Variants in PTPRU observed in about 807,000 individuals in gnomAD.
PTPRU encodes the protein receptor-type tyrosine-protein phosphatase U.
PTPRU carries 69 observed loss-of-function variants against 166.3 expected under a neutral mutation model. That is an observed-to-expected ratio of 0.41 (90% CI 0.34 to 0.51). The LOEUF is 0.51. Ranked by LOEUF, PTPRU falls within the 20% of genes least tolerant of loss-of-function variation. The pLI is 0.09. For missense variants in PTPRU, 1,657 were observed against 2,013.7 expected (o/e 0.82, Z 3.39); for synonymous variants, 793 against 814.0 (o/e 0.97, Z 0.44).
intron 16 of PTPRU, 90 bp from the exon 17 acceptor site, chr1:29,304,684 C>T: frequency 3.1e-6 from 3 of 983,110 alleles, no homozygotes; most frequent in South Asian, 1.8e-5. Context: ...TCATCCCACC[C>T]CCATCCTGCC....
intron 1 of PTPRU, among the ~76,000 whole-genome samples, chr1:29,254,706 T>C (rs144245416): frequency 7.7e-4 from 117 of 152,308 alleles, no homozygotes; most frequent in African/African-American, 2.4e-3. Context: ...GGAGATCTCA[T>C]TGGGCTGGAT....
intron 26 of PTPRU, 171 bp from the exon 27 acceptor site, chr1:29,323,199 TG>T: frequency 2.4e-6 from 2 of 844,796 alleles, no homozygotes; most frequent in Non-Finnish European, 1.8e-6. Context: ...TTGCAGCCTG[TG>T]GGCAACTGGT....
At chr1:29,295,159 C>T (rs1234142635) in intron 15 of PTPRU, among the ~76,000 whole-genome samples, 2 of 152,126 alleles carry the variant, frequency 1.3e-5, no homozygotes, top group African/African-American at 4.8e-5. Flanking sequence ...CCTCAGCCTC[C>T]CGAGGAGCTG....
At chr1:29,252,771 C>T (rs569091135) in intron 1 of PTPRU, among the ~76,000 whole-genome samples, 15 of 152,308 alleles carry the variant, frequency 9.8e-5, no homozygotes, top group African/African-American at 3.4e-4. Context: ...TTTCCTCTGC[C>T]CTCCCACCAC....
intron 18 of PTPRU, chr1:29,307,134 G>C (rs760891085): frequency 1.9e-6 from 3 of 1,613,386 alleles, no homozygotes. Flanking sequence ...TTAAGATTCG[G>C]ATAAACCGAG....
chr1:29,260,367 G>A lies in PTPRU; in HGVS notation c.851-243G>A, dbSNP rs1685000600. 2 of 478,842 alleles carry A rather than the reference G, an allele frequency of 4.2e-6. No individual in the cohort carries two copies. The highest frequency in any genetic ancestry group is 3.6e-6 in the Non-Finnish European group (1 of 278,282). 29.7% of individuals were successfully genotyped at this position (478,842 alleles called of 1,614,324 possible). Reference sequence around the variant, plus strand: ...CAGGAGGCGAGGATGTGGGGGATTAGGAGGGGCCTGAGAGAGGGGTTGTGG... The same window carrying A: ...CAGGAGGCGAGGATGTGGGGGATTAAGAGGGGCCTGAGAGAGGGGTTGTGG... On this transcript the variant is annotated intron_variant, in intron 6 of 29. Transcript: ENST00000373779. The surrounding 1 kb of genome is among the most constrained non-coding windows in gnomAD (Gnocchi z 8.3).
chr1:29,285,705 T>C (rs1686311716), intron 14 of PTPRU, among the ~76,000 whole-genome samples: 1 of 152,204 alleles, frequency 6.6e-6, no homozygotes, highest in Non-Finnish European at 1.5e-5. Flanking sequence ...AGAACCTGCC[T>C]TCAAAACACC....
chr1:29,324,790 C>T (rs941062783), intron 28 of PTPRU, among the ~76,000 whole-genome samples: 3 of 152,120 alleles, frequency 2.0e-5, no homozygotes, highest in South Asian at 4.1e-4. Flanking sequence ...CTAGCCCCGC[C>T]CCTTACCTCT....
intron 15 of PTPRU, among the ~76,000 whole-genome samples, chr1:29,298,078 T>G (rs912062174): frequency 6.6e-6 from 1 of 152,026 alleles, no homozygotes; most frequent in Admixed American, 6.6e-5. Context: ...GCTAACGTGG[T>G]GAAACCCCGT....
chr1:29,285,948 G>A lies in PTPRU; in HGVS notation c.2318+1079G>A, dbSNP rs1188352138. 3.3e-5 allele frequency among the ~76,000 whole-genome samples: 5 copies of A among 152,360 alleles called. No individual in the cohort carries two copies. The East Asian group carries it at 9.7e-4, about 29-fold the overall frequency. ...GCCCAAGGCTACCCGGAGAGCCAGA[G>A]GCAGAGCCAGCTCCACCCTTCCCCA... On this transcript the variant is annotated intron_variant, in intron 14 of 29. Transcript: ENST00000373779.
Position 29,243,673 on chromosome 1 carries a change from T to G in PTPRU, c.73+6956T>G, listed in dbSNP as rs566047499. On this transcript the variant is annotated intron_variant, in intron 1 of 29. Transcript: ENST00000373779. ...GGACGTCTGACAATGTGCTGCGGTT[T>G]TCCATCTCCTTTTTCCACTAGGCTG... 2.0e-4 allele frequency among the ~76,000 whole-genome samples: 31 copies of G among 152,340 alleles called. 1 individual carries two copies. Among genetic ancestry groups the G allele is most frequent in the African/African-American group, 7.5e-4 (31 of 41,574 alleles).
chr1:29,312,656 C>A lies in PTPRU; in HGVS notation c.3177C>A (p.Arg1059=). The change falls in exon 22 of 30, where the codon CGC becomes CGA. Residue 1059 remains arginine, a synonymous_variant. Coordinates refer to ENST00000373779, the MANE Select transcript of PTPRU (RefSeq NM_133178.4). ...CGGGGCTGCTGGCTTTCATCCGGCG[C>A]GTGAAGGCCTCCACCCCACCTGATG... The part of the protein sequence containing the change: ...HATGLLAFIR[R]VKASTPPDAG... The A allele has an allele frequency of 1.2e-6, 2 of 1,611,632 alleles. No homozygotes were observed. The highest frequency in any genetic ancestry group is 1.7e-6 in the Non-Finnish European group (2 of 1,178,344).
intron 15 of PTPRU, among the ~76,000 whole-genome samples, chr1:29,302,480 C>G (rs1334623653): frequency 1.3e-5 from 2 of 152,132 alleles, no homozygotes; most frequent in Admixed American, 6.6e-5. Context: ...AGTGACTCAC[C>G]CAGGACAGCT....
intron 17 of PTPRU, 31 bp from the exon 18 acceptor site, chr1:29,305,321 C>T (rs771938372): frequency 2.5e-6 from 4 of 1,609,214 alleles, no homozygotes; most frequent in South Asian, 1.1e-5. Flanking sequence ...CTCCCCAGTT[C>T]AGCCCCTGCC....
chr1:29,260,063 G>A lies in PTPRU; in HGVS notation c.850+19G>A, dbSNP rs765346595. ...GTCAAGGGTCAGCTGGTGGACGCCG[G>A]GGAGCGCCGGGACCTCACCCTCGAG... On this transcript the variant is annotated intron_variant, in intron 6 of 29. Coordinates refer to ENST00000373779, the MANE Select transcript of PTPRU (RefSeq NM_133178.4). This position sits in a 1 kb window ranked among gnomAD's most constrained non-coding sequence, Gnocchi z 8.3. The A allele has an allele frequency of 5.7e-6, 8 of 1,396,098 alleles. No individual in the cohort carries two copies. In the East Asian group the frequency reaches 2.3e-4, roughly 40 times the overall value. 86.5% of individuals were successfully genotyped at this position (1,396,098 alleles called of 1,614,324 possible).
chr1:29,292,198 C>T (rs1217694854), intron 15 of PTPRU, among the ~76,000 whole-genome samples, 172 bp downstream of exon 15: 1 of 152,198 alleles, frequency 6.6e-6, no homozygotes, highest in Non-Finnish European at 1.5e-5. Context: ...GGCGTTTTTG[C>T]ATTGTGTACT....
At chr1:29,296,859 A>G (rs1686906673) in intron 15 of PTPRU, among the ~76,000 whole-genome samples, 1 of 151,932 alleles carries the variant, frequency 6.6e-6, no homozygotes, top group Non-Finnish European at 1.5e-5. Flanking sequence ...TTAAAGGACT[A>G]AACAACTATT....
At chr1:29,249,477 C>T (rs1684451347) in intron 1 of PTPRU, among the ~76,000 whole-genome samples, 2 of 152,224 alleles carry the variant, frequency 1.3e-5, no homozygotes, top group South Asian at 2.1e-4. Context: ...TTCACCCTCT[C>T]AGGGAGGCCT....
At chr1:29,307,293 A>T (rs1687437486) in intron 18 of PTPRU, 1 of 1,136,402 alleles carries the variant, frequency 8.8e-7, no homozygotes, top group Admixed American at 2.0e-5. Context: ...CCAACCGTCC[A>T]TTTCAGCAGC....
Sources: gnomAD v4.1 joint callset for allele counts (sites outside exome capture counted in the v4.1 genomes callset) on GRCh38, gnomAD v4.1.1 for gene constraint, Gnocchi (gnomAD v3.1) non-coding constraint, MANE v1.5 for transcripts, NCBI Gene and HGNC (gene_info 2026-07-23, HGNC 2026-07-21) for gene names.